The following CARMIL1 variants were observed in gnomAD, a reference collection of about 807,000 sequenced individuals.
The protein encoded by CARMIL1 is capping protein regulator and myosin 1 linker 1.
A neutral mutation model predicts 177.1 loss-of-function variants in CARMIL1; 90 were observed. That is an observed-to-expected ratio of 0.51 (90% CI 0.43 to 0.61). CARMIL1 has a LOEUF of 0.61. Among genes scored for constraint, CARMIL1 ranks in the 20% least tolerant of loss-of-function variants. The pLI is 0.00. For synonymous variants in CARMIL1, 577 were observed against 606.2 expected, an observed-to-expected ratio of 0.95 and a Z score of 0.71; for missense variants, 1,380 against 1,667.0, an observed-to-expected ratio of 0.83 and a Z score of 3.00.
chr6:25,514,199 A>G (rs1008732207), intron 20 of CARMIL1, among the ~76,000 whole-genome samples: 5 of 152,190 alleles, frequency 3.3e-5, no homozygotes, highest in African/African-American at 7.2e-5. Context: ...GTTTAAATGG[A>G]TGGAAAATGA....
chr6:25,439,741 G>A (rs910178668), intron 5 of CARMIL1, among the ~76,000 whole-genome samples: 1 of 152,134 alleles, frequency 6.6e-6, no homozygotes, highest in African/African-American at 2.4e-5. Flanking sequence ...TGGCATATGT[G>A]GACAACTTCA....
chr6:25,452,480 G>C (rs1030042380), intron 8 of CARMIL1: 5 of 373,972 alleles, frequency 1.3e-5, no homozygotes, highest in African/African-American at 2.1e-5. Flanking sequence ...AAAAATGATC[G>C]ATCTTTGGTT....
intron 1 of CARMIL1, among the ~76,000 whole-genome samples, chr6:25,281,230 A>G (rs940676668): frequency 1.3e-5 from 2 of 151,100 alleles, no homozygotes; most frequent in Non-Finnish European, 2.9e-5. Context: ...TGGAGTCTGC[A>G]TCTTTTGCTG....
chr6:25,506,236 C>T (rs1804898408), intron 17 of CARMIL1, among the ~76,000 whole-genome samples: 1 of 152,200 alleles, frequency 6.6e-6, no homozygotes, highest in Non-Finnish European at 1.5e-5. Context: ...ATATCTGCAA[C>T]TGTTTGCACC....
intron 8 of CARMIL1, among the ~76,000 whole-genome samples, chr6:25,465,139 G>A (rs1003475332): frequency 6.7e-6 from 1 of 150,218 alleles, no homozygotes; most frequent in Admixed American, 6.6e-5. Context: ...AATCCATCCA[G>A]TGCCACTTAC....
intron 36 of CARMIL1, among the ~76,000 whole-genome samples, chr6:25,614,166 T>A (rs2151344400): frequency 6.6e-6 from 1 of 152,320 alleles, no homozygotes; most frequent in South Asian, 2.1e-4. Flanking sequence ...GGGACAACGT[T>A]TGGAGCCTGC....
At chr6:25,415,617 A>G (rs11752825) in intron 2 of CARMIL1, among the ~76,000 whole-genome samples, 47,954 of 151,862 alleles carry the variant, frequency 0.32, 8,142 homozygotes, top group East Asian at 0.5. Context: ...TTAGTTTTTA[A>G]GACTTATTAA....
At chr6:25,507,719 A>G (rs1296431054) in intron 17 of CARMIL1, among the ~76,000 whole-genome samples, 2 of 151,902 alleles carry the variant, frequency 1.3e-5, no homozygotes, top group African/African-American at 4.8e-5. Context: ...TTATTTCTCA[A>G]CAAGTAAATC....
At chr6:25,472,205 T>TGGGG (rs1801152387) in intron 10 of CARMIL1, among the ~76,000 whole-genome samples, 1 of 152,096 alleles carries the variant, frequency 6.6e-6, no homozygotes, top group Non-Finnish European at 1.5e-5. Context: ...CAATTGTATA[T>TGGGG]TTTCTTTTTG....
chr6:25,324,916 G>A (rs1453446378), intron 2 of CARMIL1, among the ~76,000 whole-genome samples: 2 of 152,026 alleles, frequency 1.3e-5, no homozygotes, highest in Admixed American at 1.3e-4. Flanking sequence ...GAGGACCACT[G>A]GGCAGAAGTG....
intron 2 of CARMIL1, among the ~76,000 whole-genome samples, chr6:25,288,270 G>T (rs753959030): frequency 1.3e-5 from 2 of 152,172 alleles, no homozygotes; most frequent in Non-Finnish European, 2.9e-5. Flanking sequence ...GGTACAGCTG[G>T]GGTAAGGCAT....
chr6:25,570,141 T>A (rs1260804012), intron 29 of CARMIL1, among the ~76,000 whole-genome samples: 1 of 152,202 alleles, frequency 6.6e-6, no homozygotes, highest in Non-Finnish European at 1.5e-5. Context: ...ATTTTTTGTA[T>A]TTTTAGTAGA....
chr6:25,565,032 A>C (rs550997806), intron 29 of CARMIL1, among the ~76,000 whole-genome samples: 2 of 152,262 alleles, frequency 1.3e-5, no homozygotes, highest in South Asian at 4.1e-4. Context: ...TTACAATGAG[A>C]GATGGCATGA....
intron 2 of CARMIL1, among the ~76,000 whole-genome samples, chr6:25,330,446 A>G (rs1240072390): frequency 6.6e-6 from 1 of 152,204 alleles, no homozygotes; most frequent in Non-Finnish European, 1.5e-5. Flanking sequence ...TCAGATTTCC[A>G]TTTTGATTGC....
intron 2 of CARMIL1, among the ~76,000 whole-genome samples, chr6:25,359,026 T>C (rs1788915866): frequency 6.6e-6 from 1 of 152,228 alleles, no homozygotes; most frequent in Non-Finnish European, 1.5e-5. Context: ...CAATGTATTC[T>C]GTGGTGGTTG....
chr6:25,528,478 T>A (rs1282467267), intron 23 of CARMIL1, among the ~76,000 whole-genome samples: 1 of 152,192 alleles, frequency 6.6e-6, no homozygotes, highest in East Asian at 1.9e-4. Flanking sequence ...ATTGAGATTG[T>A]GTGCTGAAAG....
At chr6:25,393,725 T>TA (rs199917325) in intron 2 of CARMIL1, among the ~76,000 whole-genome samples, 8,233 of 150,008 alleles carry the variant, frequency 0.055, 298 homozygotes, top group Non-Finnish European at 0.09. Flanking sequence ...TTTTTTTTTT[T>TA]AATTAGCTGT....
chr6:25,450,912 TTCTCC>T (rs1163650038), intron 8 of CARMIL1, among the ~76,000 whole-genome samples: 846 of 14,280 alleles, frequency 0.059, 30 homozygotes, highest in African/African-American at 0.12. Flanking sequence ...TTTCTTTTCC[TTCTCC>T]TCTCCTCTCC....
chr6:25,395,566 C>T (rs546495598), intron 2 of CARMIL1, among the ~76,000 whole-genome samples: 39 of 152,258 alleles, frequency 2.6e-4, no homozygotes, highest in African/African-American at 8.9e-4. Flanking sequence ...GTTTTGTTTT[C>T]ACTTATTTTT....
Sources: allele counts gnomAD v4.1 joint callset (sites outside exome capture counted in the v4.1 genomes callset), GRCh38; gene constraint gnomAD v4.1.1; transcripts MANE v1.5; gene names NCBI Gene and HGNC (gene_info 2026-07-23, HGNC 2026-07-21).